SHROOM2: variants seen among roughly 807,000 people sequenced by gnomAD.
SHROOM2 encodes protein Shroom2.
In SHROOM2, 33 loss-of-function variants were observed where a neutral mutation model predicts 75.9. The observed-to-expected ratio is 0.43, with a 90% CI of 0.33 to 0.58. The LOEUF (loss-of-function observed/expected upper bound fraction) is 0.58, where lower values mean the gene tolerates loss of function less well. Among genes scored for constraint, SHROOM2 ranks in the 20% least tolerant of loss-of-function variants. SHROOM2 has a pLI of 0.04. For missense variants in SHROOM2, 1,434 were observed against 1,461.2 expected, an observed-to-expected ratio of 0.98 and a Z score of 0.30; for synonymous variants, 655 against 663.6, an observed-to-expected ratio of 0.99 and a Z score of 0.20.
chrX:9,917,240 C>T (rs918833307), intron 5 of SHROOM2, among the ~76,000 whole-genome samples: 3 of 112,006 alleles, frequency 2.7e-5, no homozygotes, highest in Admixed American at 9.5e-5. Context: ...TGTACATTCT[C>T]GTGTCCGGTC....
intron 1 of SHROOM2, among the ~76,000 whole-genome samples, chrX:9,812,078 A>T (rs1186597478): frequency 8.9e-6 from 1 of 111,996 alleles, no homozygotes; most frequent in Admixed American, 9.5e-5. Flanking sequence ...ACCCATAGTC[A>T]AATGTTCAGT....
chrX:9,886,377 T>C (rs918107452), intron 2 of SHROOM2, among the ~76,000 whole-genome samples: 3 of 112,739 alleles, frequency 2.7e-5, no homozygotes, highest in African/African-American at 6.4e-5. Context: ...TCCCCGCCGA[T>C]GGACACATCC....
chrX:9,889,678 G>A (rs187328748), intron 2 of SHROOM2, among the ~76,000 whole-genome samples: 2 of 112,252 alleles, frequency 1.8e-5, no homozygotes, highest in African/African-American at 3.2e-5. Context: ...AGGAAAGCTC[G>A]TCCATATTCA....
chrX:9,927,150 G>A (rs748592312), intron 5 of SHROOM2, among the ~76,000 whole-genome samples: 72 of 109,666 alleles, frequency 6.6e-4, no homozygotes, highest in South Asian at 4.8e-3. Flanking sequence ...GGAGTTTGAG[G>A]CCAGCATGGG....
chrX:9,891,120 T>C lies in SHROOM2; in HGVS notation c.449+12T>C, dbSNP rs1393507769. ...CGACACCACGCGAGGTAGGCACCCA[T>C]TCCCGTCCAGGATGCCAGGTTTGTT... is the stretch of plus-strand genomic sequence containing the variant. On this transcript the variant is annotated intron_variant, in intron 3 of 9. Transcript: ENST00000380913. 1 of 1,199,677 alleles carries C rather than the reference T, an allele frequency of 8.3e-7. No homozygotes were observed. The highest frequency in any genetic ancestry group is 1.7e-5 in the African/African-American group (1 of 57,701).
rs1366105843 is a variant in SHROOM2 at position 9,895,837 on chromosome X, G to C, written c.1929G>C (p.Lys643Asn). 6 of 1,204,108 alleles carry C rather than the reference G, an allele frequency of 5.0e-6. No individual in the cohort carries two copies. Among genetic ancestry groups the C allele is most frequent in the Non-Finnish European group, 6.7e-6 (6 of 891,197 alleles). ...AGATGCATAGAGCCAAGCTGCAGAA[G>C]AGCCGGAGCACAGTGGCTCTGACTG... is the stretch of plus-strand genomic sequence containing the variant. ...EIQMHRAKLQ[K>N]SRSTVALTAA... The change falls in exon 4 of 10, where the codon AAG becomes AAC. Residue 643 changes from lysine (K) to asparagine (N), a missense_variant. By Grantham distance (94) the Lys-to-Asn change is moderately conservative. Coordinates refer to ENST00000380913, the MANE Select transcript of SHROOM2 (RefSeq NM_001649.4).
intron 1 of SHROOM2, among the ~76,000 whole-genome samples, chrX:9,860,772 A>C (rs767249947): frequency 8.9e-6 from 1 of 112,030 alleles, no homozygotes; most frequent in South Asian, 3.7e-4. Context: ...TTGAAGGTGT[A>C]GGAAGCAGCG....
intron 5 of SHROOM2, among the ~76,000 whole-genome samples, chrX:9,900,074 C>T (rs1442021445): frequency 1.8e-5 from 2 of 111,255 alleles, no homozygotes; most frequent in African/African-American, 6.5e-5. Flanking sequence ...CGAGAGGAAG[C>T]GGGGCCCCCT....
chrX:9,914,097 C>T (rs1347252968), intron 5 of SHROOM2, among the ~76,000 whole-genome samples: 2 of 97,499 alleles, frequency 2.1e-5, no homozygotes, highest in African/African-American at 7.6e-5. Flanking sequence ...CCGATCACCA[C>T]CAACCCAAAC....
rs748413782 is a variant in SHROOM2, at chrX:9,810,309, G to T, written c.165+23599G>T. On this transcript the variant is annotated intron_variant, in intron 1 of 9. Transcript: ENST00000380913. ...GTAGTCCGGCCTGGATTGGGCTGTT[G>T]TAGTGTCCCCTTGACCTTAATCACA... Among the ~76,000 whole-genome samples, 25 of 111,136 alleles carry T rather than the reference G, an allele frequency of 2.2e-4. No homozygotes were observed. In the Admixed American group the frequency reaches 2.4e-3, roughly 11 times the overall value.
At chrX:9,788,973 A>G (rs183278636) in intron 1 of SHROOM2, among the ~76,000 whole-genome samples, 49 of 111,463 alleles carry the variant, frequency 4.4e-4, no homozygotes, top group Non-Finnish European at 7.9e-4. Context: ...TTTGCTCTTA[A>G]AGGATTCTTG....
At chrX:9,855,760 C>T (rs944480907) in intron 1 of SHROOM2, among the ~76,000 whole-genome samples, 2 of 111,567 alleles carry the variant, frequency 1.8e-5, no homozygotes, top group Admixed American at 9.6e-5. Context: ...GCCGCCTTGT[C>T]GCTGTGCTCT....
chrX:9,883,538 A>G (rs1261953042), intron 2 of SHROOM2, among the ~76,000 whole-genome samples: 1 of 111,208 alleles, frequency 9.0e-6, no homozygotes, highest in Non-Finnish European at 1.9e-5. Context: ...AAGACCCTAG[A>G]TGCTACAGAC....
At chrX:9,885,142 G>A (rs1223265381) in intron 2 of SHROOM2, among the ~76,000 whole-genome samples, 2 of 111,942 alleles carry the variant, frequency 1.8e-5, no homozygotes, top group Non-Finnish European at 3.8e-5. Context: ...AAAGGCACTC[G>A]TCAAGTCTGC....
chrX:9,856,404 G>A (rs750194346), intron 1 of SHROOM2, among the ~76,000 whole-genome samples: 9 of 111,525 alleles, frequency 8.1e-5, no homozygotes, highest in African/African-American at 2.3e-4. Context: ...TTCCTCAGAC[G>A]CATTAATAGA....
chrX:9,895,021 G>A lies in SHROOM2; in HGVS notation c.1113G>A (p.Arg371=), dbSNP rs757312120. ...RRPELTDRPW[R]SAHPGSLGKG... ...CAGAGCTCACCGATCGGCCTTGGAGGTCAGCACACCCGGGGAGCCTCGGGA... is the reference window on the plus strand; with the variant it reads ...CAGAGCTCACCGATCGGCCTTGGAGATCAGCACACCCGGGGAGCCTCGGGA... Residue 371 remains arginine, a synonymous_variant, in exon 4 of 10, where the codon AGG becomes AGA. Transcript: ENST00000380913. The A allele has an allele frequency of 7.4e-6, 9 of 1,209,426 alleles. No individual in the cohort carries two copies. The highest frequency in any genetic ancestry group is 1.8e-5 in the South Asian group (1 of 56,607).
chrX:9,794,885 G>A (rs1471872873), intron 1 of SHROOM2, among the ~76,000 whole-genome samples: 1 of 111,153 alleles, frequency 9.0e-6, no homozygotes, highest in African/African-American at 3.3e-5. Context: ...ACACACCGGG[G>A]GTCATCTTTT....
At chrX:9,861,451 T>C in intron 1 of SHROOM2, among the ~76,000 whole-genome samples, 1 of 112,320 alleles carries the variant, frequency 8.9e-6, no homozygotes, top group Admixed American at 9.4e-5. Context: ...ATTACAGATG[T>C]GAGCCACCAT....
intron 1 of SHROOM2, among the ~76,000 whole-genome samples, chrX:9,827,656 G>T (rs1427927172): frequency 9.2e-6 from 1 of 109,076 alleles, no homozygotes; most frequent in African/African-American, 3.3e-5. Context: ...TCAAGCAGAA[G>T]GAGCTCCAGG....
Sources: gnomAD v4.1 joint callset for allele counts (sites outside exome capture counted in the v4.1 genomes callset) on GRCh38, gnomAD v4.1.1 for gene constraint, MANE v1.5 for transcripts, NCBI Gene and HGNC (gene_info 2026-07-23, HGNC 2026-07-21) for gene names.